Variants in RAB3GAP2 observed in about 807,000 individuals in gnomAD.
The protein encoded by RAB3GAP2 is RAB3 GTPase activating non-catalytic protein subunit 2.
RAB3GAP2 carries 87 observed loss-of-function variants against 185.3 expected under a neutral mutation model. The observed-to-expected ratio is 0.47, with a 90% CI of 0.39 to 0.56. The LOEUF is 0.56. Among genes scored for constraint, RAB3GAP2 ranks in the 20% least tolerant of loss-of-function variants. The pLI, the probability that RAB3GAP2 is intolerant of heterozygous loss-of-function variation, is 0.00. For synonymous variants in RAB3GAP2, 554 were observed against 576.1 expected (o/e 0.96, Z 0.55); for missense variants, 1,492 against 1,638.2 (o/e 0.91, Z 1.54).
At chr1:220,223,485 C>G (rs990057309) in intron 2 of RAB3GAP2, among the ~76,000 whole-genome samples, 2 of 152,158 alleles carry the variant, frequency 1.3e-5, no homozygotes, top group Middle Eastern at 3.4e-3. Flanking sequence ...GAATGACAAA[C>G]TTTACCCATT....
rs752943608 is a variant in RAB3GAP2 at position 220,157,339 on chromosome 1, GC to G, written c.3485del (p.Cys1162SerfsTer8). ...YPLVEHHSILCSILYAVMRFS... is the reference protein window; with the variant it reads ...YPLVEHHSILXSILYAVMRFS... Reference sequence around the variant, plus strand: ...ACCTCATGACTGCATACAAGATGGAGCACAGGATGGAGTGGTGCTCCACCAG... The same window carrying G: ...ACCTCATGACTGCATACAAGATGGAGACAGGATGGAGTGGTGCTCCACCAG... On this transcript the variant is annotated frameshift_variant, in exon 31 of 35. Transcript: ENST00000358951. LOFTEE classifies it high-confidence loss of function. 1 of 1,613,932 alleles carries G rather than the reference GC, an allele frequency of 6.2e-7. No individual in the cohort carries two copies. Among genetic ancestry groups the G allele is most frequent in the African/African-American group, 1.3e-5 (1 of 74,950 alleles).
At chr1:220,206,742 C>A (rs1196780338) in intron 7 of RAB3GAP2, among the ~76,000 whole-genome samples, 1 of 152,206 alleles carries the variant, frequency 6.6e-6, no homozygotes, top group African/African-American at 2.4e-5. Context: ...TATGAGAGGT[C>A]ATCATTACCC....
intron 12 of RAB3GAP2, 28 bp downstream of exon 12, chr1:220,195,050 T>A: frequency 6.2e-7 from 1 of 1,603,188 alleles, no homozygotes; most frequent in Non-Finnish European, 8.5e-7. Flanking sequence ...CTAAAAGGAC[T>A]AAAATTTGGG....
chr1:220,260,281 C>G (rs1374394653), intron 1 of RAB3GAP2, among the ~76,000 whole-genome samples: 1 of 151,572 alleles, frequency 6.6e-6, no homozygotes, highest in African/African-American at 2.4e-5. Flanking sequence ...TATAAAGATA[C>G]ATGCCCACAT....
At chr1:220,153,098 G>T (rs1657792911) in intron 33 of RAB3GAP2, 87 bp downstream of exon 33, 1 of 984,652 alleles carries the variant, frequency 1.0e-6, no homozygotes, top group Non-Finnish European at 1.6e-6. Flanking sequence ...AAGAGCAAAA[G>T]GCTTCATTGG....
rs1657751086 is a variant in RAB3GAP2 at position 220,151,404 on chromosome 1, G to T, written c.4029C>A (p.Asp1343Glu). The T allele has an allele frequency of 6.2e-7, 1 of 1,614,080 alleles. No homozygotes were observed. The highest frequency in any genetic ancestry group is 1.7e-5 in the Admixed American group (1 of 59,996). The change falls in exon 35 of 35, where the codon GAC (aspartate) becomes GAA (glutamate). Residue 1343 changes from aspartate to glutamate, a missense_variant and splice_region_variant. Physicochemically the swap from Asp to Glu is conservative, Grantham distance 45 (BLOSUM62 2). Around this residue, in one of 5 missense-constraint regions of RAB3GAP2, gnomAD observed 387 missense variants for 455.3 expected, o/e 0.85. Coordinates refer to ENST00000358951, the MANE Select transcript of RAB3GAP2 (RefSeq NM_012414.4). ...CTTCAGTGTTTTGAAGGTCCTGGGG[G>T]TCCTGCAAATGGGACACAAAAATAA... ...PTLCTWLKAM[D>E]PQDLQNTEVP...
chr1:220,196,677 A>G (rs577150707), intron 9 of RAB3GAP2, among the ~76,000 whole-genome samples: 2 of 151,860 alleles, frequency 1.3e-5, no homozygotes, highest in Admixed American at 1.3e-4. Context: ...CTAAATATAC[A>G]AAAATTAGCC....
At chr1:220,244,168 T>C (rs778593225) in intron 1 of RAB3GAP2, among the ~76,000 whole-genome samples, 1 of 152,098 alleles carries the variant, frequency 6.6e-6, no homozygotes, top group Non-Finnish European at 1.5e-5. Context: ...TAAAGATGCA[T>C]CCAAAAGGCC....
intron 26 of RAB3GAP2, among the ~76,000 whole-genome samples, chr1:220,166,883 T>C (rs770512747): frequency 2.6e-5 from 4 of 152,196 alleles, no homozygotes; most frequent in Non-Finnish European, 5.9e-5. Flanking sequence ...ATTAAGAATA[T>C]TGTGTTCGGT....
At chr1:220,241,860 A>G (rs1659703564) in intron 1 of RAB3GAP2, among the ~76,000 whole-genome samples, 1 of 151,968 alleles carries the variant, frequency 6.6e-6, no homozygotes, top group Non-Finnish European at 1.5e-5. Flanking sequence ...ATATTTATAT[A>G]TTATTTATTT....
chr1:220,246,927 G>GA (rs1004951576), intron 1 of RAB3GAP2, among the ~76,000 whole-genome samples: 2 of 147,262 alleles, frequency 1.4e-5, no homozygotes, highest in Non-Finnish European at 3.0e-5. Context: ...ATAAAAAGAA[G>GA]AAAAAAAAAG....
intron 1 of RAB3GAP2, among the ~76,000 whole-genome samples, chr1:220,262,310 C>T (rs145650076): frequency 7.5e-6 from 1 of 132,936 alleles, no homozygotes; most frequent in East Asian, 1.9e-4. Flanking sequence ...CAAGAAAAAA[C>T]AAACAAACAA....
intron 28 of RAB3GAP2, among the ~76,000 whole-genome samples, chr1:220,161,420 G>A (rs1017395462): frequency 4.6e-5 from 7 of 152,130 alleles, no homozygotes; most frequent in Admixed American, 6.5e-5. Context: ...TGAGTGGCCT[G>A]TAAAACACAC....
At chr1:220,189,329 T>C (rs1218579961) in intron 17 of RAB3GAP2, among the ~76,000 whole-genome samples, 1 of 151,940 alleles carries the variant, frequency 6.6e-6, no homozygotes, top group African/African-American at 2.4e-5. Flanking sequence ...ATGATTCTCC[T>C]GCCTCAGCTC....
chr1:220,185,598 G>T, intron 18 of RAB3GAP2, 53 bp downstream of exon 18: 1 of 1,329,804 alleles, frequency 7.5e-7, no homozygotes, highest in Non-Finnish European at 1.1e-6. Flanking sequence ...TATAATCAGA[G>T]TTACAAAATT....
chr1:220,243,972 G>C (rs1659751319), intron 1 of RAB3GAP2, among the ~76,000 whole-genome samples: 1 of 152,140 alleles, frequency 6.6e-6, no homozygotes, highest in Admixed American at 6.5e-5. Flanking sequence ...CATATTGAAT[G>C]GGAAAAGTTG....
intron 2 of RAB3GAP2, 44 bp downstream of exon 2, chr1:220,232,755 A>C (rs757459610): frequency 6.7e-7 from 1 of 1,493,004 alleles, no homozygotes; most frequent in Non-Finnish European, 9.3e-7. Context: ...TACAAAAGGA[A>C]AATGCCACTA....
intron 24 of RAB3GAP2, among the ~76,000 whole-genome samples, chr1:220,170,474 T>C (rs2577130): frequency 0.49 from 73,738 of 151,960 alleles, 19,548 homozygotes; most frequent in East Asian, 0.71. Context: ...TGGTGAGAAA[T>C]ATGGCACTAC....
chr1:220,159,741 G>T (rs1165999107), intron 28 of RAB3GAP2, among the ~76,000 whole-genome samples: 1 of 152,162 alleles, frequency 6.6e-6, no homozygotes, highest in East Asian at 1.9e-4. Flanking sequence ...GCCTGGGCCG[G>T]GTGTGGTAGT....
Sources: gnomAD v4.1 joint callset for allele counts (sites outside exome capture counted in the v4.1 genomes callset) on GRCh38, gnomAD v4.1.1 for gene constraint, gnomAD v4.1.1 regional missense constraint, MANE v1.5 for transcripts, NCBI Gene and HGNC (gene_info 2026-07-23, HGNC 2026-07-21) for gene names.